The following ATF2 variants were observed in gnomAD, a reference collection of about 807,000 sequenced individuals.
ATF2 encodes activating transcription factor 2, also known as cyclic AMP-dependent transcription factor ATF-2.
A neutral mutation model predicts 60.6 loss-of-function variants in ATF2; 24 were observed. That is an observed-to-expected ratio of 0.40 (90% CI 0.29 to 0.56). The LOEUF (loss-of-function observed/expected upper bound fraction) is 0.56. Ranked by LOEUF, ATF2 falls within the 20% of genes least tolerant of loss-of-function variation. The pLI is 0.54. For missense variants in ATF2, 433 were observed against 607.7 expected, an observed-to-expected ratio of 0.71 and a Z score of 3.02; for synonymous variants, 206 against 215.4, an observed-to-expected ratio of 0.96 and a Z score of 0.38.
intron 10 of ATF2, among the ~76,000 whole-genome samples, chr2:175,110,112 G>T (rs1192124592): frequency 6.6e-6 from 1 of 152,050 alleles, no homozygotes; most frequent in Non-Finnish European, 1.5e-5. Flanking sequence ...TGGGGAGGGG[G>T]GATCACGAGG....
intron 1 of ATF2, among the ~76,000 whole-genome samples, chr2:175,165,981 T>C (rs1305684803): frequency 3.3e-5 from 5 of 152,172 alleles, no homozygotes; most frequent in Admixed American, 1.3e-4. Flanking sequence ...ACTATTATCT[T>C]AGCTTAAAAA....
At chr2:175,113,011 G>C (rs1338115376) in intron 9 of ATF2, among the ~76,000 whole-genome samples, 2 of 151,928 alleles carry the variant, frequency 1.3e-5, no homozygotes, top group African/African-American at 4.8e-5. Flanking sequence ...CTTGGTGTAA[G>C]ATTTCCAGGG....
Position 175,143,451 on chromosome 2 carries a change from A to T in ATF2, c.-43-6965T>A, listed in dbSNP as rs568841355. 5.3e-4 allele frequency among the ~76,000 whole-genome samples: 81 copies of T among 152,310 alleles called. No homozygotes were observed. The Middle Eastern group carries it at 0.014, about 26-fold the overall frequency. On this transcript the variant is annotated intron_variant, in intron 2 of 13. Transcript: ENST00000264110. ...ATTAATGGGCTTTTATCATCAATGA[A>T]TATCTTTGGGACAAATCTTTGTGCA...
intron 2 of ATF2, among the ~76,000 whole-genome samples, chr2:175,148,704 T>G (rs181087643): frequency 6.6e-6 from 1 of 152,304 alleles, no homozygotes; most frequent in Admixed American, 6.5e-5. Flanking sequence ...GTCTATTCTC[T>G]TGCATGATAA....
At position 175,073,206 on chromosome 2, in the gene ATF2, C is replaced by G. The variant is rs911567293; in HGVS notation, c.*1403G>C. ...AATTTATTCTATTTTAAAATATGTA[C>G]TGTATTTTGAACATAACTGCAGAAT... is the stretch of plus-strand genomic sequence containing the variant. On this transcript the variant is annotated 3_prime_UTR_variant, in exon 14 of 14. Coordinates refer to ENST00000264110, the MANE Select transcript of ATF2 (RefSeq NM_001880.4). 6.6e-6 allele frequency: 1 copy of G among 152,006 alleles called. No homozygotes were observed. The highest frequency in any genetic ancestry group is 1.5e-5 in the Non-Finnish European group (1 of 68,000). The allele number at this position is 152,006 out of a possible 1,614,324, so 9.4% of individuals were successfully genotyped here.
chr2:175,140,611 T>C (rs76541900), intron 2 of ATF2, among the ~76,000 whole-genome samples: 153 of 152,236 alleles, frequency 1.0e-3, no homozygotes, highest in African/African-American at 3.5e-3. Context: ...TCAAGCTGTA[T>C]ACTTTGAATA....
At chr2:175,126,485 G>C (rs1697346467) in intron 4 of ATF2, among the ~76,000 whole-genome samples, 1 of 152,168 alleles carries the variant, frequency 6.6e-6, no homozygotes, top group Non-Finnish European at 1.5e-5. Flanking sequence ...AAGTATGCAT[G>C]TTAACTCCTT....
At chr2:175,142,317 C>A (rs572954426) in intron 2 of ATF2, among the ~76,000 whole-genome samples, 1 of 151,904 alleles carries the variant, frequency 6.6e-6, no homozygotes, top group Admixed American at 6.6e-5. Flanking sequence ...TACAGGCACG[C>A]ACCACCACTC....
intron 10 of ATF2, among the ~76,000 whole-genome samples, chr2:175,099,191 C>G (rs1414235214): frequency 1.3e-5 from 2 of 150,576 alleles, no homozygotes; most frequent in Non-Finnish European, 1.5e-5. Context: ...GCAACCTTCA[C>G]CTTCACGGTT....
At chr2:175,164,852 T>A (rs1458265783) in intron 1 of ATF2, among the ~76,000 whole-genome samples, 1 of 152,148 alleles carries the variant, frequency 6.6e-6, no homozygotes, top group Admixed American at 6.5e-5. Flanking sequence ...ACTAAGTGAA[T>A]TTTTTGGTTT....
intron 7 of ATF2, among the ~76,000 whole-genome samples, chr2:175,115,978 A>G (rs745494107): frequency 9.2e-5 from 14 of 152,114 alleles, no homozygotes; most frequent in Non-Finnish European, 1.6e-4. Flanking sequence ...GCAATACCAT[A>G]TATGTCATGT....
At chr2:175,084,319 A>T (rs1314808158) in intron 12 of ATF2, among the ~76,000 whole-genome samples, 4 of 152,132 alleles carry the variant, frequency 2.6e-5, no homozygotes, top group Non-Finnish European at 4.4e-5. Flanking sequence ...AGCCATAAAA[A>T]ATGATGTGTT....
intron 13 of ATF2, among the ~76,000 whole-genome samples, chr2:175,078,579 G>A (rs1017499774): frequency 6.6e-6 from 1 of 152,116 alleles, no homozygotes; most frequent in Non-Finnish European, 1.5e-5. Context: ...AAAACTGGGC[G>A]GGACAGACCC....
At chr2:175,083,985 A>C (rs1693956516) in intron 12 of ATF2, among the ~76,000 whole-genome samples, 1 of 152,206 alleles carries the variant, frequency 6.6e-6, no homozygotes, top group African/African-American at 2.4e-5. Context: ...TTAAAAAGGC[A>C]GGAAACAACA....
Position 175,086,675 on chromosome 2 carries a change from C to T in ATF2, c.1186-5910G>A, listed in dbSNP as rs140775543. ...CTACCTGCCTCAGCCTCCCAAAGTG[C>T]TGGAATTACAGGAGTGAGCCACTGC... On this transcript the variant is annotated intron_variant, in intron 12 of 13. Coordinates refer to ENST00000264110, the MANE Select transcript of ATF2 (RefSeq NM_001880.4). Among the ~76,000 whole-genome samples the T allele has an allele frequency of 6.1e-3, 934 of 152,192 alleles. 8 individuals carry two copies. Among genetic ancestry groups the T allele is most frequent in the African/African-American group, 0.022 (897 of 41,536 alleles).
chr2:175,141,601 T>C (rs1366533554), intron 2 of ATF2, among the ~76,000 whole-genome samples: 2 of 152,034 alleles, frequency 1.3e-5, no homozygotes, highest in African/African-American at 4.8e-5. Flanking sequence ...CACGCCATTC[T>C]CCTGCCTCAG....
At chr2:175,085,209 T>A (rs921536076) in intron 12 of ATF2, among the ~76,000 whole-genome samples, 1 of 152,182 alleles carries the variant, frequency 6.6e-6, no homozygotes, top group Admixed American at 6.6e-5. Context: ...GAAAGTGTTA[T>A]GTGTTGGCTA....
At chr2:175,143,763 G>A (rs950552146) in intron 2 of ATF2, among the ~76,000 whole-genome samples, 1 of 151,326 alleles carries the variant, frequency 6.6e-6, no homozygotes, top group Non-Finnish European at 1.5e-5. Flanking sequence ...ATGGTTATTT[G>A]TAGTTCTATG....
At chr2:175,107,163 T>G (rs1233467970) in intron 10 of ATF2, among the ~76,000 whole-genome samples, 1 of 152,034 alleles carries the variant, frequency 6.6e-6, no homozygotes, top group Non-Finnish European at 1.5e-5. Context: ...CACAATTTTT[T>G]AAATGGGCAA....
Sources: allele counts gnomAD v4.1 joint callset (sites outside exome capture counted in the v4.1 genomes callset), GRCh38; gene constraint gnomAD v4.1.1; transcripts MANE v1.5; gene names NCBI Gene and HGNC (gene_info 2026-07-23, HGNC 2026-07-21).